The following CTNNA3 variants were observed in gnomAD, a reference collection of about 807,000 sequenced individuals.
The protein encoded by CTNNA3 is catenin alpha 3.
Under a neutral mutation model 95.7 loss-of-function variants are expected in CTNNA3, and 76 were observed. The ratio of observed to expected loss-of-function variants is 0.79; its 90% confidence interval spans 0.66 to 0.96. The LOEUF (loss-of-function observed/expected upper bound fraction) is 0.96. CTNNA3 is among the 40% of genes least tolerant of loss of function. The pLI is 0.00. For missense variants in CTNNA3, 1,191 were observed against 1,089.8 expected, an observed-to-expected ratio of 1.09 and a Z score of -1.31; for synonymous variants, 431 against 374.4, an observed-to-expected ratio of 1.15 and a Z score of -1.74.
intron 17 of CTNNA3, among the ~76,000 whole-genome samples, chr10:65,943,512 C>A (rs537581735): frequency 1.3e-5 from 2 of 152,302 alleles, no homozygotes; most frequent in South Asian, 4.1e-4. Context: ...GACATTACAT[C>A]AAACCTATTC....
At chr10:67,739,315 G>C (rs1841321497) in intron 1 of CTNNA3, among the ~76,000 whole-genome samples, 1 of 152,084 alleles carries the variant, frequency 6.6e-6, no homozygotes, top group South Asian at 2.1e-4. Context: ...AGGGCAATTA[G>C]GCAGGAGAAG....
intron 12 of CTNNA3, among the ~76,000 whole-genome samples, chr10:66,305,946 T>G (rs1338930331): frequency 1.3e-5 from 2 of 152,168 alleles, no homozygotes; most frequent in Non-Finnish European, 2.9e-5. Context: ...GAATGTTGAG[T>G]GAACAGTATC....
intron 16 of CTNNA3, among the ~76,000 whole-genome samples, chr10:65,979,016 T>G (rs905662572): frequency 3.9e-5 from 6 of 152,088 alleles, no homozygotes; most frequent in Admixed American, 3.9e-4. Flanking sequence ...ACATGTTGAT[T>G]TATGAGAGTT....
intron 11 of CTNNA3, among the ~76,000 whole-genome samples, chr10:66,419,173 C>T (rs1425335738): frequency 6.6e-6 from 1 of 152,064 alleles, no homozygotes; most frequent in Non-Finnish European, 1.5e-5. Context: ...AATTCAGTTA[C>T]ACTACAGGAT....
chr10:65,998,226 T>A (rs1185359096), intron 15 of CTNNA3, among the ~76,000 whole-genome samples: 3 of 152,202 alleles, frequency 2.0e-5, no homozygotes, highest in African/African-American at 7.2e-5. Flanking sequence ...GAACAGCATT[T>A]CTGTGAGAAA....
In CTNNA3 at chr10:66,289,648, T is replaced by C. The variant is rs559464437; in HGVS notation, c.1733-9027A>G. 7.2e-5 allele frequency among the ~76,000 whole-genome samples: 11 copies of C among 152,132 alleles called. No homozygotes were observed. The South Asian group carries it at 2.3e-3, about 32-fold the overall frequency. On this transcript the variant is annotated intron_variant, in intron 12 of 17. Transcript: ENST00000433211. ...AAATGCAGTAGGGGAGCTTACTATT[T>C]AAGGCAACTGAAGTAACTTCTATCA...
At chr10:66,176,790 T>G (rs942418119) in intron 13 of CTNNA3, among the ~76,000 whole-genome samples, 4 of 152,048 alleles carry the variant, frequency 2.6e-5, no homozygotes, top group Non-Finnish European at 5.9e-5. Context: ...CCTTCAGAAC[T>G]GTGAGAAATA....
intron 9 of CTNNA3, among the ~76,000 whole-genome samples, chr10:66,698,678 A>C (rs548244471): frequency 1.3e-5 from 2 of 152,190 alleles, no homozygotes; most frequent in Non-Finnish European, 1.5e-5. Flanking sequence ...GAAATCCTGA[A>C]CTAATAAATA....
chr10:66,344,739 C>T (rs2092489310), intron 12 of CTNNA3, among the ~76,000 whole-genome samples: 1 of 152,050 alleles, frequency 6.6e-6, no homozygotes, highest in African/African-American at 2.4e-5. Context: ...TAGAAGGAAA[C>T]ATCCTTCAGA....
chr10:66,529,426 C>T (rs1841381458), intron 10 of CTNNA3, among the ~76,000 whole-genome samples: 1 of 149,414 alleles, frequency 6.7e-6, no homozygotes, highest in South Asian at 2.2e-4. Context: ...GCCACCGAGC[C>T]CAGCCAAACA....
chr10:67,690,301 G>A (rs1359450695), intron 1 of CTNNA3, among the ~76,000 whole-genome samples: 1 of 152,164 alleles, frequency 6.6e-6, no homozygotes, highest in Non-Finnish European at 1.5e-5. Context: ...GCTCATAAAG[G>A]TAGTGCGGAC....
intron 7 of CTNNA3, among the ~76,000 whole-genome samples, chr10:66,819,976 C>T (rs1015106782): frequency 6.6e-6 from 1 of 151,742 alleles, no homozygotes; most frequent in African/African-American, 2.4e-5. Context: ...CAATTCTATT[C>T]CTAGGTATGT....
chr10:66,158,326 T>A (rs2084657036), intron 13 of CTNNA3, among the ~76,000 whole-genome samples: 1 of 151,968 alleles, frequency 6.6e-6, no homozygotes, highest in Non-Finnish European at 1.5e-5. Context: ...GTTGATTTTT[T>A]TATAAGGTAA....
intron 7 of CTNNA3, among the ~76,000 whole-genome samples, chr10:67,138,007 T>G (rs1387080357): frequency 6.6e-6 from 1 of 152,068 alleles, no homozygotes. Flanking sequence ...TCTTGGGATA[T>G]GCCATCCTCC....
intron 5 of CTNNA3, among the ~76,000 whole-genome samples, chr10:67,383,823 C>A (rs1844040993): frequency 2.0e-5 from 3 of 152,120 alleles, no homozygotes; most frequent in Admixed American, 2.0e-4. Flanking sequence ...TAAACAGTGA[C>A]GTTTACTAGA....
chr10:66,954,036 G>A (rs1345572389), intron 7 of CTNNA3, among the ~76,000 whole-genome samples: 2 of 152,144 alleles, frequency 1.3e-5, no homozygotes, highest in East Asian at 3.9e-4. Context: ...AATACTAGCT[G>A]TTACTTCCAT....
intron 10 of CTNNA3, among the ~76,000 whole-genome samples, chr10:66,591,512 T>C (rs114001042): frequency 0.014 from 2,172 of 152,216 alleles, 53 homozygotes; most frequent in African/African-American, 0.05. Flanking sequence ...TTGATCACTG[T>C]TCTTAAAGCA....
chr10:67,550,825 A>G (rs1390018049), intron 3 of CTNNA3, among the ~76,000 whole-genome samples: 3 of 152,158 alleles, frequency 2.0e-5, no homozygotes, highest in African/African-American at 7.2e-5. Context: ...TTCATATTTT[A>G]TATATTTTAG....
chr10:67,080,454 A>G (rs964078158), intron 7 of CTNNA3, among the ~76,000 whole-genome samples: 1 of 152,184 alleles, frequency 6.6e-6, no homozygotes, highest in African/African-American at 2.4e-5. Flanking sequence ...CCCACTTAGA[A>G]TGTTAGGTCC....
Sources: allele counts gnomAD v4.1 joint callset (sites outside exome capture counted in the v4.1 genomes callset), GRCh38; gene constraint gnomAD v4.1.1; transcripts MANE v1.5; gene names NCBI Gene and HGNC (gene_info 2026-07-23, HGNC 2026-07-21).